Variants in PSEN1 observed in about 807,000 individuals in gnomAD.
PSEN1 encodes the protein presenilin 1, also known as presenilin-1.
PSEN1 carries 15 observed loss-of-function variants against 53.5 expected under a neutral mutation model. The ratio of observed to expected loss-of-function variants is 0.28; its 90% CI spans 0.19 to 0.43. The LOEUF is 0.43. Ranked by LOEUF, PSEN1 falls within the 20% of genes least tolerant of loss-of-function variation. The pLI is 1.00. For synonymous variants in PSEN1, 208 were observed against 209.8 expected, an observed-to-expected ratio of 0.99 and a Z score of 0.08; for missense variants, 387 against 571.2, an observed-to-expected ratio of 0.68 and a Z score of 3.29.
At chr14:73,147,292 G>A (rs1440579642) in intron 1 of PSEN1, among the ~76,000 whole-genome samples, 3 of 152,010 alleles carry the variant, frequency 2.0e-5, no homozygotes, top group Non-Finnish European at 2.9e-5. Flanking sequence ...CTGAGTCTGC[G>A]ATTTCTTGCC....
chr14:73,211,316 CAT>C (rs1899668112), intron 9 of PSEN1, among the ~76,000 whole-genome samples: 1 of 152,150 alleles, frequency 6.6e-6, no homozygotes, highest in African/African-American at 2.4e-5. Context: ...TTCTAGGCAT[CAT>C]GTCTAGATAA....
chr14:73,197,887 A>T, intron 7 of PSEN1, 144 bp from the exon 8 acceptor site: 55 of 614,516 alleles, frequency 9.0e-5, no homozygotes, highest in South Asian at 1.5e-4. Context: ...CCTGCCATTT[A>T]TTTCATATTC....
intron 8 of PSEN1, among the ~76,000 whole-genome samples, chr14:73,200,429 C>T (rs1899133029): frequency 6.6e-6 from 1 of 152,092 alleles, no homozygotes; most frequent in African/African-American, 2.4e-5. Context: ...GCCACCACGC[C>T]TGGCTGATTT....
At chr14:73,145,565 C>T (rs1361254556) in intron 1 of PSEN1, among the ~76,000 whole-genome samples, 1 of 151,764 alleles carries the variant, frequency 6.6e-6, no homozygotes, top group Non-Finnish European at 1.5e-5. Context: ...TCACGAACTC[C>T]TGGCCTCAAG....
At position 73,159,512 on chromosome 14, in the gene PSEN1, G is replaced by A. The variant is rs140746584; in HGVS notation, c.88-11285G>A. ...CTTTTGAAGTTGATTGTTATACGTGGTCCAAGGTATGGATCAAAGTTCATT... is the reference window on the plus strand; with the variant it reads ...CTTTTGAAGTTGATTGTTATACGTGATCCAAGGTATGGATCAAAGTTCATT... On this transcript the variant is annotated intron_variant, in intron 3 of 11. Coordinates refer to ENST00000324501, the MANE Select transcript of PSEN1 (RefSeq NM_000021.4). Among the ~76,000 whole-genome samples the A allele has an allele frequency of 3.1e-3, 476 of 152,224 alleles. 2 individuals are homozygous for A. The highest frequency in any genetic ancestry group is 8.7e-3 in the African/African-American group (360 of 41,530).
At chr14:73,141,797 G>A (rs572073455) in intron 1 of PSEN1, among the ~76,000 whole-genome samples, 2 of 151,150 alleles carry the variant, frequency 1.3e-5, no homozygotes, top group African/African-American at 2.4e-5. Flanking sequence ...GCCGGGTGCC[G>A]TGGCTCACGC....
chr14:73,215,001 GC>G (rs1899854312), intron 10 of PSEN1, among the ~76,000 whole-genome samples: 1 of 152,006 alleles, frequency 6.6e-6, no homozygotes, highest in African/African-American at 2.4e-5. Flanking sequence ...TTCGCTCGTT[GC>G]CTAGGGTGGA....
chr14:73,171,058 G>A lies in PSEN1; in HGVS notation c.338+11G>A. ...GAAGGATGGGCAGCTGTACGTATGA[G>A]TTTTGTTTTATTATTCTCAAAGCCA... On this transcript the variant is annotated intron_variant, in intron 4 of 11. Transcript: ENST00000324501. The A allele has an allele frequency of 1.9e-6, 3 of 1,614,018 alleles. No homozygotes were observed. The highest frequency in any genetic ancestry group is 1.7e-6 in the Non-Finnish European group (2 of 1,180,044).
intron 3 of PSEN1, among the ~76,000 whole-genome samples, chr14:73,165,939 C>A (rs1897701247): frequency 6.6e-6 from 1 of 151,784 alleles, no homozygotes; most frequent in Non-Finnish European, 1.5e-5. Flanking sequence ...GCCGATAATC[C>A]CAGCTCCTCG....
chr14:73,142,814 T>C (rs1896964348), intron 1 of PSEN1, among the ~76,000 whole-genome samples: 1 of 152,212 alleles, frequency 6.6e-6, no homozygotes, highest in Non-Finnish European at 1.5e-5. Flanking sequence ...TAGTTTCCCA[T>C]CAGAGAAGGA....
chr14:73,187,413 A>G (rs1432486251), intron 6 of PSEN1, among the ~76,000 whole-genome samples: 1 of 152,216 alleles, frequency 6.6e-6, no homozygotes, highest in South Asian at 2.1e-4. Flanking sequence ...TCTCAGCTCA[A>G]GTGGCAGAAT....
intron 10 of PSEN1, among the ~76,000 whole-genome samples, chr14:73,212,226 T>C (rs544038608): frequency 4.1e-5 from 6 of 147,262 alleles, no homozygotes; most frequent in African/African-American, 1.5e-4. Flanking sequence ...TTCTCCTGCC[T>C]CAGCCTCCCA....
rs200692223 is a variant in PSEN1, at chr14:73,219,519, G to A, written c.*230G>A. The A allele has an allele frequency of 3.0e-5, 16 of 530,742 alleles. 1 individual carries two copies. The highest frequency in any genetic ancestry group is 2.0e-4 in the South Asian group (10 of 49,834). 32.9% of individuals were successfully genotyped at this position (530,742 alleles called of 1,614,324 possible). A position where few individuals can be genotyped will look rare whatever the true frequency, so the allele number is the denominator to read the frequency against. ...TTCATCGCAGTGGACTGTGTCCCTCGGTGCAGAAACTACCAGATTTGAGGG... is the reference window on the plus strand; with the variant it reads ...TTCATCGCAGTGGACTGTGTCCCTCAGTGCAGAAACTACCAGATTTGAGGG... On this transcript the variant is annotated 3_prime_UTR_variant, in exon 12 of 12. Transcript: ENST00000324501.
intron 5 of PSEN1, among the ~76,000 whole-genome samples, chr14:73,184,368 G>T (rs1277286140): frequency 2.6e-5 from 3 of 114,976 alleles, no homozygotes; most frequent in Admixed American, 8.5e-5. Flanking sequence ...CCTCCCGGAC[G>T]GGGCGGCTGG....
At chr14:73,185,460 C>T (rs962580909) in intron 5 of PSEN1, among the ~76,000 whole-genome samples, 1 of 152,170 alleles carries the variant, frequency 6.6e-6, no homozygotes, top group African/African-American at 2.4e-5. Context: ...TCAGGCGTGG[C>T]GGCGTGAGTC....
intron 5 of PSEN1, among the ~76,000 whole-genome samples, chr14:73,177,197 T>G: frequency 6.6e-6 from 1 of 152,256 alleles, no homozygotes; most frequent in East Asian, 1.9e-4. Flanking sequence ...TTTAATCTCA[T>G]GGTTTAAATT....
At chr14:73,148,790 G>A (rs1296010508) in intron 3 of PSEN1, among the ~76,000 whole-genome samples, 3 of 152,068 alleles carry the variant, frequency 2.0e-5, no homozygotes, top group African/African-American at 4.8e-5. Context: ...AAAATTAGCC[G>A]GGCTTGGTGG....
chr14:73,204,172 A>G (rs375987607), intron 8 of PSEN1, among the ~76,000 whole-genome samples: 1 of 151,600 alleles, frequency 6.6e-6, no homozygotes, highest in South Asian at 2.1e-4. Flanking sequence ...CTAATTTTGT[A>G]TTTTTAGTAG....
intron 3 of PSEN1, among the ~76,000 whole-genome samples, chr14:73,164,183 TC>T (rs1897639102): frequency 6.6e-6 from 1 of 152,158 alleles, no homozygotes; most frequent in Non-Finnish European, 1.5e-5. Flanking sequence ...ATTCGGGACT[TC>T]CTAGAAACTG....
Sources: gnomAD v4.1 joint callset for allele counts (sites outside exome capture counted in the v4.1 genomes callset) on GRCh38, gnomAD v4.1.1 for gene constraint, MANE v1.5 for transcripts, NCBI Gene and HGNC (gene_info 2026-07-23, HGNC 2026-07-21) for gene names.